The following BMPR1B variants were observed in gnomAD, a reference collection of about 807,000 sequenced individuals.
BMPR1B encodes the protein bone morphogenetic protein receptor type-1B.
A neutral mutation model predicts 59.1 loss-of-function variants in BMPR1B; 12 were observed. That is an observed-to-expected ratio of 0.20 (90% CI 0.13 to 0.33). BMPR1B has a LOEUF of 0.33. Among genes scored for constraint, BMPR1B ranks in the 10% least tolerant of loss-of-function variants. The probability of loss-of-function intolerance (pLI) is 1.00; values close to 1 mark genes in which losing one functional copy is unlikely to be tolerated. For missense variants in BMPR1B, 550 were observed against 610.9 expected (o/e 0.90, Z 1.05); for synonymous variants, 237 against 207.3 (o/e 1.14, Z -1.23).
At chr4:94,824,424 A>G (rs1724312541) in intron 1 of BMPR1B, among the ~76,000 whole-genome samples, 1 of 152,236 alleles carries the variant, frequency 6.6e-6, no homozygotes, top group Non-Finnish European at 1.5e-5. Flanking sequence ...GAACAGAGCA[A>G]GTATCTTAAT....
intron 2 of BMPR1B, among the ~76,000 whole-genome samples, chr4:94,941,814 T>C (rs1729524880): frequency 6.6e-6 from 1 of 152,210 alleles, no homozygotes; most frequent in Non-Finnish European, 1.5e-5. Context: ...TTATTGATGC[T>C]GAGAAGTGTG....
At chr4:94,789,145 A>G (rs1375360240) in intron 1 of BMPR1B, among the ~76,000 whole-genome samples, 3 of 152,122 alleles carry the variant, frequency 2.0e-5, no homozygotes, top group South Asian at 2.1e-4. Context: ...TTAAAGTCCA[A>G]TTTTCGTTGC....
At chr4:94,916,549 C>A (rs963055835) in intron 2 of BMPR1B, among the ~76,000 whole-genome samples, 2 of 152,166 alleles carry the variant, frequency 1.3e-5, no homozygotes, top group African/African-American at 4.8e-5. Context: ...AATTTCTAAG[C>A]AGCAAAGTGT....
intron 10 of BMPR1B, among the ~76,000 whole-genome samples, chr4:95,147,687 T>TTA (rs1734744470): frequency 1.3e-5 from 2 of 152,196 alleles, no homozygotes; most frequent in Admixed American, 6.5e-5. Context: ...CCTTATTTGG[T>TTA]TATAGTCTGT....
At chr4:94,991,598 T>C (rs1721764891) in intron 2 of BMPR1B, among the ~76,000 whole-genome samples, 1 of 152,140 alleles carries the variant, frequency 6.6e-6, no homozygotes, top group South Asian at 2.1e-4. Flanking sequence ...AATAGAAGGA[T>C]ACCAAGGGTA....
chr4:95,099,365 A>G lies in BMPR1B; in HGVS notation c.-17-5043A>G, dbSNP rs145003540. Among the ~76,000 whole-genome samples the G allele has an allele frequency of 3.1e-3, 474 of 152,300 alleles. 2 individuals are homozygous for G. Among genetic ancestry groups the G allele is most frequent in the African/African-American group, 0.011 (457 of 41,566 alleles). On this transcript the variant is annotated intron_variant, in intron 3 of 12. Coordinates refer to ENST00000515059, the MANE Select transcript of BMPR1B (RefSeq NM_001203.3). ...TTGTAAATGCATTTAAATAGCTCCA[A>G]CTATTATCTGTCCTAATTTGCTACT...
intron 2 of BMPR1B, among the ~76,000 whole-genome samples, chr4:94,964,573 T>C (rs1372511685): frequency 1.3e-5 from 2 of 152,180 alleles, no homozygotes; most frequent in Non-Finnish European, 2.9e-5. Flanking sequence ...ACAGAAAGAA[T>C]CTTTCTTCAA....
intron 1 of BMPR1B, among the ~76,000 whole-genome samples, chr4:94,793,261 T>C (rs1442744099): frequency 6.6e-6 from 1 of 151,794 alleles, no homozygotes; most frequent in East Asian, 1.9e-4. Context: ...AGTGAGAATA[T>C]GCGGTGTTTG....
At chr4:95,067,195 T>C (rs1335103923) in intron 3 of BMPR1B, among the ~76,000 whole-genome samples, 1 of 152,186 alleles carries the variant, frequency 6.6e-6, no homozygotes, top group Non-Finnish European at 1.5e-5. Context: ...ACTGGTAGCA[T>C]TTTACAGATT....
intron 2 of BMPR1B, among the ~76,000 whole-genome samples, chr4:94,936,294 T>G (rs1266059531): frequency 6.6e-6 from 1 of 152,138 alleles, no homozygotes; most frequent in Non-Finnish European, 1.5e-5. Flanking sequence ...TAACCAAAGG[T>G]GTAAGACCAG....
chr4:94,933,444 T>C (rs1349453131), intron 2 of BMPR1B, among the ~76,000 whole-genome samples: 9 of 152,160 alleles, frequency 5.9e-5, no homozygotes, highest in African/African-American at 2.2e-4. Context: ...AATGTAGTTA[T>C]GTTTGCATAA....
chr4:95,051,873 A>G, intron 3 of BMPR1B: 3 of 1,198,262 alleles, frequency 2.5e-6, no homozygotes, highest in Non-Finnish European at 3.5e-6. Flanking sequence ...CCAGAAGTTC[A>G]ATGTCTATAA....
chr4:94,882,955 T>C (rs1444703928), intron 2 of BMPR1B, among the ~76,000 whole-genome samples: 1 of 147,246 alleles, frequency 6.8e-6, no homozygotes, highest in Non-Finnish European at 1.5e-5. Context: ...TTTTCTTTCC[T>C]GTGTGTGTGT....
chr4:94,894,532 G>C (rs778252492), intron 2 of BMPR1B, among the ~76,000 whole-genome samples: 4 of 151,878 alleles, frequency 2.6e-5, no homozygotes, highest in Non-Finnish European at 4.4e-5. Flanking sequence ...TGTGATATCT[G>C]ATCTTGGTCC....
At chr4:95,135,336 G>T (rs1320525844) in intron 10 of BMPR1B, among the ~76,000 whole-genome samples, 2 of 152,270 alleles carry the variant, frequency 1.3e-5, no homozygotes, top group East Asian at 3.9e-4. Context: ...GATTGACTTA[G>T]CAATGCGGGC....
rs1724191730 is a variant in BMPR1B at position 94,821,132 on chromosome 4, G to T, written c.-182-54699G>T. ...CTCTCTTTAATATGCTTTAAAGCTG[G>T]CTGAGACTTATTTATGTGTTACACA... On this transcript the variant is annotated intron_variant, in intron 1 of 12. Coordinates refer to ENST00000515059, the MANE Select transcript of BMPR1B (RefSeq NM_001203.3). 2.0e-5 allele frequency among the ~76,000 whole-genome samples: 3 copies of T among 152,126 alleles called. No individual in the cohort carries two copies. In the South Asian group the frequency reaches 6.2e-4, roughly 32 times the overall value.
chr4:95,051,639 C>A, intron 3 of BMPR1B: 1 of 1,487,460 alleles, frequency 6.7e-7, no homozygotes, highest in Non-Finnish European at 9.0e-7. Context: ...CAGTGAAAGA[C>A]GGAAAGGCAA....
At chr4:94,820,610 GA>G (rs1376240569) in intron 1 of BMPR1B, among the ~76,000 whole-genome samples, 1 of 152,224 alleles carries the variant, frequency 6.6e-6, no homozygotes, top group African/African-American at 2.4e-5. Context: ...CTGAGGACTT[GA>G]AAGAGATCAG....
intron 1 of BMPR1B, among the ~76,000 whole-genome samples, chr4:94,792,735 C>G (rs1723030629): frequency 6.6e-6 from 1 of 152,122 alleles, no homozygotes; most frequent in South Asian, 2.1e-4. Context: ...AGTTGAGATG[C>G]TACTGTAAAA....
Sources: allele counts gnomAD v4.1 joint callset (sites outside exome capture counted in the v4.1 genomes callset), GRCh38; gene constraint gnomAD v4.1.1; transcripts MANE v1.5; gene names NCBI Gene and HGNC (gene_info 2026-07-23, HGNC 2026-07-21).